FANCA: variants seen among roughly 807,000 people sequenced by gnomAD.
FANCA encodes FA complementation group A.
A neutral mutation model predicts 194.3 loss-of-function variants in FANCA; 236 were observed. The ratio of observed to expected loss-of-function variants is 1.21; its 90% CI spans 1.09 to 1.35. FANCA has a LOEUF of 1.35. FANCA is among the 40% of genes most tolerant of loss of function. The pLI, the probability that FANCA is intolerant of heterozygous loss-of-function variation, is 0.00. For synonymous variants in FANCA, 1,014 were observed against 715.8 expected, an observed-to-expected ratio of 1.42 and a Z score of -6.65; for missense variants, 2,628 against 1,813.9, an observed-to-expected ratio of 1.45 and a Z score of -8.15.
At position 89,799,658 on chromosome 16, in the gene FANCA, G is replaced by C. The variant is rs1288869447; in HGVS notation, c.793-20C>G. ...CGTGACCTGTCAAAATAGAATGTGA[G>C]TTACCATCTTGGTAATCTTCTGTAA... is the stretch of plus-strand genomic sequence containing the variant. On this transcript the variant is annotated intron_variant, in intron 8 of 42. Coordinates refer to ENST00000389301, the MANE Select transcript of FANCA (RefSeq NM_000135.4). 2.5e-6 allele frequency: 4 copies of C among 1,603,372 alleles called. No individual in the cohort carries two copies. The highest frequency in any genetic ancestry group is 3.4e-6 in the Non-Finnish European group (4 of 1,170,738).
At chr16:89,763,359 T>G (rs2039017157) in intron 28 of FANCA, among the ~76,000 whole-genome samples, 1 of 151,890 alleles carries the variant, frequency 6.6e-6, no homozygotes, top group Non-Finnish European at 1.5e-5. Flanking sequence ...AAGGATCACT[T>G]TTTCCTATTT....
At chr16:89,764,787 G>C (rs754447796) in intron 28 of FANCA, 103 bp downstream of exon 28, 3 of 1,356,570 alleles carry the variant, frequency 2.2e-6, no homozygotes, top group Non-Finnish European at 3.2e-6. Context: ...CATGATGCAG[G>C]GGAAGGAACG....
intron 11 of FANCA, 59 bp from the exon 12 acceptor site, chr16:89,792,606 T>A (rs749168967): frequency 8.2e-5 from 122 of 1,494,478 alleles, no homozygotes; most frequent in Non-Finnish European, 1.1e-4. Flanking sequence ...TGTGGGTTTT[T>A]GTTAAGGACC....
intron 17 of FANCA, among the ~76,000 whole-genome samples, chr16:89,781,530 G>C (rs963574351): frequency 6.7e-5 from 10 of 148,204 alleles, no homozygotes; most frequent in Admixed American, 4.8e-4. Flanking sequence ...AAAAAAATTA[G>C]CTGGGTGTGG....
chr16:89,767,840 A>T (rs1347597997), intron 26 of FANCA, among the ~76,000 whole-genome samples: 1 of 152,064 alleles, frequency 6.6e-6, no homozygotes. Context: ...GAGTCACTGC[A>T]ACCAGTCGAG....
At chr16:89,755,955 C>T (rs923091543) in intron 30 of FANCA, among the ~76,000 whole-genome samples, 1 of 152,122 alleles carries the variant, frequency 6.6e-6, no homozygotes, top group Non-Finnish European at 1.5e-5. Flanking sequence ...CACACCTAGG[C>T]CACATGGCAC....
chr16:89,787,275 A>G (rs1029031160), intron 14 of FANCA, among the ~76,000 whole-genome samples: 9 of 152,114 alleles, frequency 5.9e-5, no homozygotes, highest in Non-Finnish European at 1.2e-4. Flanking sequence ...TGTGATCCCA[A>G]CACTTTGGGA....
chr16:89,737,931 CA>C lies in FANCA; in HGVS notation c.*669del, dbSNP rs749766786. On this transcript the variant is annotated 3_prime_UTR_variant, in exon 43 of 43. Transcript: ENST00000389301. ...GTAAGTGTGAGTCAGGACCCCCTCC[CA>C]GGGCTGTGGCCCTCGCACCTTCTTA... 1 of 1,613,780 alleles carries C rather than the reference CA, an allele frequency of 6.2e-7. No homozygotes were observed. The highest frequency in any genetic ancestry group is 8.5e-7 in the Non-Finnish European group (1 of 1,179,840).
rs1800344 is a variant in FANCA, at chr16:89,749,959, T to G, written c.3067-57A>C. 0.076 allele frequency: 121,808 copies of G among 1,596,684 alleles called. 5,589 individuals are homozygous for G. Among genetic ancestry groups the G allele is most frequent in the East Asian group, 0.16 (7,331 of 44,760 alleles). On this transcript the variant is annotated intron_variant, in intron 31 of 42. Coordinates refer to ENST00000389301, the MANE Select transcript of FANCA (RefSeq NM_000135.4). ...GCCTCGGGGCTCACTGCCCAGCCAG[T>G]CGGGGACCCAGACGTCAGGGGTCAG... is the stretch of plus-strand genomic sequence containing the variant.
chr16:89,805,012 G>A (rs1176502953), intron 7 of FANCA, among the ~76,000 whole-genome samples: 1 of 152,176 alleles, frequency 6.6e-6, no homozygotes, highest in African/African-American at 2.4e-5. Flanking sequence ...CTCCAGCCTG[G>A]GCGACAGAAG....
rs761058304 is a variant in FANCA, at chr16:89,791,996, A to C, written c.1156T>G (p.Trp386Gly). 1 of 1,614,244 alleles carries C rather than the reference A, an allele frequency of 6.2e-7. No homozygotes were observed. The highest frequency in any genetic ancestry group is 1.7e-5 in the Admixed American group (1 of 60,030). Residue 386 changes from tryptophan to glycine, a missense_variant, in exon 13 of 43, where the codon TGG becomes GGG. Trp to Gly is a radical substitution (Grantham distance 184). Transcript: ENST00000389301. The part of the protein sequence containing the change: ...QEVLETQEVH[W>G]QRVLSFVSAL... The stretch of plus-strand genomic sequence containing the variant: ...GACACAAAGGAGAGCACTCTCTGCC[A>C]GTGAACCTCCTGCGTTTCCAGAACT...
At chr16:89,798,482 G>C (rs531695654) in intron 10 of FANCA, 1 of 1,096,680 alleles carries the variant, frequency 9.1e-7, no homozygotes, top group South Asian at 3.8e-5. Flanking sequence ...AGAATGAAAA[G>C]GTTGACAAGG....
chr16:89,814,422 C>G, intron 3 of FANCA, 98 bp downstream of exon 3: 1 of 937,326 alleles, frequency 1.1e-6, no homozygotes. Flanking sequence ...AACCCATCGC[C>G]TGAGAAAATT....
rs976369481 is a variant in FANCA, at chr16:89,744,979, T to G, written c.3606A>C (p.Glu1202Asp). 1.9e-6 allele frequency: 3 copies of G among 1,611,666 alleles called. No homozygotes were observed. The highest frequency in any genetic ancestry group is 2.2e-5 in the East Asian group (1 of 44,894). ...CGTACTCGCTGGCAAACTGCCGGCC[T>G]TCTTGTAGCTTCTGCAGTTCCCGGG... is the stretch of plus-strand genomic sequence containing the variant. ...PLPRELQKLQ[E>D]GRQFASDFLS... Residue 1202 changes from glutamate to aspartate, a missense_variant, in exon 36 of 43, where the codon GAA becomes GAC. By Grantham distance (45) the Glu-to-Asp change is conservative. Transcript: ENST00000389301.
At chr16:89,764,264 G>C (rs1190444071) in intron 28 of FANCA, among the ~76,000 whole-genome samples, 1 of 152,178 alleles carries the variant, frequency 6.6e-6, no homozygotes, top group East Asian at 1.9e-4. Context: ...AGAAGTTCGT[G>C]TTGGGAGAAA....
Position 89,793,436 on chromosome 16 carries a change from T to C in FANCA, c.1007-889A>G, listed in dbSNP as rs185237806. ...TTATAGAGCGAGGATTATTATAATA[T>C]TGCAATAAACAGTAATTACTACCAA... On this transcript the variant is annotated intron_variant, in intron 11 of 42. Coordinates refer to ENST00000389301, the MANE Select transcript of FANCA (RefSeq NM_000135.4). Among the ~76,000 whole-genome samples, 124 of 152,342 alleles carry C rather than the reference T, an allele frequency of 8.1e-4. 1 individual carries two copies. Among genetic ancestry groups the C allele is most frequent in the African/African-American group, 2.8e-3 (118 of 41,572 alleles).
At chr16:89,816,148 A>C in intron 1 of FANCA, 162 bp from the exon 2 acceptor site, 1 of 679,046 alleles carries the variant, frequency 1.5e-6, no homozygotes, top group Non-Finnish European at 2.7e-6. Flanking sequence ...ACTAACGGAG[A>C]CGGCCCCACC....
intron 21 of FANCA, among the ~76,000 whole-genome samples, chr16:89,773,973 G>T (rs2039410006): frequency 6.6e-6 from 1 of 151,956 alleles, no homozygotes; most frequent in South Asian, 2.1e-4. Flanking sequence ...ATTTCACCAC[G>T]TTGGCCAAGA....
At chr16:89,798,369 A>G in intron 10 of FANCA, 1 of 1,042,866 alleles carries the variant, frequency 9.6e-7, no homozygotes, top group Non-Finnish European at 1.2e-6. Context: ...GAAATCACAC[A>G]GTGCTTTATT....
Sources: gnomAD v4.1 joint callset for allele counts (sites outside exome capture counted in the v4.1 genomes callset) on GRCh38, gnomAD v4.1.1 for gene constraint, MANE v1.5 for transcripts, NCBI Gene and HGNC (gene_info 2026-07-23, HGNC 2026-07-21) for gene names.